Variants in SCOC observed in about 807,000 individuals in gnomAD.
SCOC encodes short coiled coil protein.
In SCOC, 7 loss-of-function variants were observed where a neutral mutation model predicts 9.9. The ratio of observed to expected loss-of-function variants is 0.71; its 90% CI spans 0.40 to 1.33. SCOC has a LOEUF of 1.33. SCOC is among the 40% of genes most tolerant of loss of function. The probability of loss-of-function intolerance (pLI) is 0.01; values close to 1 mark genes in which losing one functional copy is unlikely to be tolerated. For missense variants in SCOC, 66 were observed against 89.7 expected, an observed-to-expected ratio of 0.74 and a Z score of 1.07; for synonymous variants, 19 against 28.2, an observed-to-expected ratio of 0.67 and a Z score of 1.03.
At chr4:140,370,802 C>T (rs772163173), upstream of SCOC, among the ~76,000 whole-genome samples, 2 of 151,986 alleles carry the variant, frequency 1.3e-5, no homozygotes, top group Non-Finnish European at 2.9e-5. Flanking sequence ...ACCTTTCTGG[C>T]CGTTCAGTTT....
At chr4:140,379,716 A>C in intron 3 of SCOC, 64 bp downstream of exon 3, 1 of 1,208,532 alleles carries the variant, frequency 8.3e-7, no homozygotes, top group Non-Finnish European at 1.2e-6. Context: ...AAAAATTTAT[A>C]TTGCTAAATT....
At chr4:140,269,171 G>C (rs1049776945) in intron 1 of SCOC, among the ~76,000 whole-genome samples, 1 of 152,142 alleles carries the variant, frequency 6.6e-6, no homozygotes, top group African/African-American at 2.4e-5. Flanking sequence ...TTATGGGATA[G>C]TTTAGAAATG....
intron 1 of SCOC, among the ~76,000 whole-genome samples, chr4:140,374,866 A>T (rs146717917): frequency 1.3e-5 from 2 of 152,342 alleles, no homozygotes; most frequent in Non-Finnish European, 2.9e-5. Flanking sequence ...TCTGAAATTT[A>T]GTGTCCATAT....
upstream of SCOC, among the ~76,000 whole-genome samples, chr4:140,339,452 G>GT (rs1726413721): frequency 6.6e-6 from 1 of 152,126 alleles, no homozygotes; most frequent in South Asian, 2.1e-4. Flanking sequence ...TGACAAATGG[G>GT]ATCTAATTAA....
intron 1 of SCOC, among the ~76,000 whole-genome samples, chr4:140,304,325 G>A (rs889855229): frequency 6.6e-5 from 10 of 152,024 alleles, no homozygotes; most frequent in African/African-American, 2.2e-4. Context: ...GTAGGAGGTC[G>A]GGGAGAGATA....
At chr4:140,268,911 G>A (rs1002572047) in intron 1 of SCOC, among the ~76,000 whole-genome samples, 2 of 152,166 alleles carry the variant, frequency 1.3e-5, no homozygotes, top group Non-Finnish European at 2.9e-5. Flanking sequence ...ACGTGCAATA[G>A]GGAAGAGCAT....
chr4:140,259,007 C>T (rs1215538478), intron 1 of SCOC, among the ~76,000 whole-genome samples: 2 of 152,332 alleles, frequency 1.3e-5, no homozygotes, highest in African/African-American at 4.8e-5. Flanking sequence ...ATTCTGTTTG[C>T]TCTCAACAAG....
Position 140,346,100 on chromosome 4 carries a change from G to A in SCOC, c.70+2392G>A, listed in dbSNP as rs534253238. On this transcript the variant is annotated intron_variant, in intron 2 of 4. Transcript: ENST00000338517. ...CAATCCAAGTCTCCTATGGTTGCGG[G>A]CATTCCATCTGAGCACCCTTCTCAT... 1.2e-4 allele frequency among the ~76,000 whole-genome samples: 18 copies of A among 152,244 alleles called. No homozygotes were observed. The South Asian group carries it at 3.7e-3, about 32-fold the overall frequency.
chr4:140,292,576 C>T (rs1233138182), intron 1 of SCOC, among the ~76,000 whole-genome samples: 1 of 152,194 alleles, frequency 6.6e-6, no homozygotes, highest in Non-Finnish European at 1.5e-5. Flanking sequence ...TGAAACCCAA[C>T]ATATTCCTGA....
At chr4:140,263,596 G>A (rs756523638) in intron 1 of SCOC, among the ~76,000 whole-genome samples, 7 of 152,154 alleles carry the variant, frequency 4.6e-5, no homozygotes, top group Non-Finnish European at 7.3e-5. Context: ...GGAAGAACTC[G>A]GTGAGGTGAG....
At position 140,374,080 on chromosome 4, in the gene SCOC, T is replaced by C. The variant is rs1423567647; in HGVS notation, c.-51+363T>C. On this transcript the variant is annotated intron_variant, in intron 1 of 3. Coordinates refer to ENST00000608372, the MANE Select transcript of SCOC (RefSeq NM_001153484.2). ...CTGCGGGAGGGGCGTTTGGGTGGAA[T>C]GGGACCTGGCACGCCTGGACCTTCC... The C allele has an allele frequency of 6.2e-6, 3 of 486,192 alleles. No homozygotes were observed. The Admixed American group carries it at 6.9e-5, about 11-fold the overall frequency. The allele number at this position is 486,192 out of a possible 1,614,324, so 30.1% of individuals were successfully genotyped here.
chr4:140,347,022 T>C (rs1318869223), intron 2 of SCOC, among the ~76,000 whole-genome samples: 3 of 152,194 alleles, frequency 2.0e-5, no homozygotes, highest in East Asian at 3.8e-4. Flanking sequence ...TGAAAGTCAA[T>C]TGTAGAACAG....
chr4:140,326,855 T>C lies in SCOC; in HGVS notation c.-18-16766T>C, dbSNP rs942063487. Among the ~76,000 whole-genome samples the C allele has an allele frequency of 6.6e-5, 10 of 152,204 alleles. No homozygotes were observed. In the South Asian group the frequency reaches 2.1e-3, roughly 32 times the overall value. ...GTAAAGCTCAATCTGATAACATTCA[T>C]TGGTGAAACTCAATCACTGCTCACA... On this transcript the variant is annotated intron_variant, in intron 1 of 4. Coordinates refer to the SCOC transcript ENST00000394205.
intron 1 of SCOC, among the ~76,000 whole-genome samples, chr4:140,314,864 C>A (rs566405610): frequency 6.6e-6 from 1 of 151,004 alleles, no homozygotes. Context: ...ACTCCACCCC[C>A]CCACCAAGTT....
chr4:140,275,515 C>A (rs1410758546), intron 1 of SCOC, among the ~76,000 whole-genome samples: 1 of 152,164 alleles, frequency 6.6e-6, no homozygotes, highest in Non-Finnish European at 1.5e-5. Context: ...TGTTTGCATC[C>A]TAAGTGCCAA....
At chr4:140,307,864 C>T (rs1446611487) in intron 1 of SCOC, among the ~76,000 whole-genome samples, 1 of 152,134 alleles carries the variant, frequency 6.6e-6, no homozygotes, top group African/African-American at 2.4e-5. Flanking sequence ...AATAAGAGGA[C>T]AGGGAGATTC....
At chr4:140,332,505 A>T (rs1732847930) in intron 1 of SCOC, among the ~76,000 whole-genome samples, 1 of 150,422 alleles carries the variant, frequency 6.6e-6, no homozygotes, top group South Asian at 2.1e-4. Context: ...CAGCCTCCTT[A>T]GTAGCTGAGA....
intron 1 of SCOC, among the ~76,000 whole-genome samples, chr4:140,313,618 C>T (rs939262505): frequency 1.1e-4 from 16 of 152,044 alleles, no homozygotes; most frequent in Non-Finnish European, 1.8e-4. Context: ...AAATTGATAT[C>T]TTTTATTGCA....
chr4:140,332,719 G>A (rs1351937790), intron 1 of SCOC, among the ~76,000 whole-genome samples: 1 of 151,986 alleles, frequency 6.6e-6, no homozygotes, highest in Non-Finnish European at 1.5e-5. Flanking sequence ...CTCCATATTG[G>A]CAAATGCCTT....
Sources: allele counts gnomAD v4.1 joint callset (sites outside exome capture counted in the v4.1 genomes callset), GRCh38; gene constraint gnomAD v4.1.1; transcripts MANE v1.5; gene names NCBI Gene and HGNC (gene_info 2026-07-23, HGNC 2026-07-21).